Variants in CEACAM4 observed in about 807,000 individuals in gnomAD.
CEACAM4 encodes the protein CEA cell adhesion molecule 4.
In CEACAM4, 30 loss-of-function variants were observed where a neutral mutation model predicts 28.7. The ratio of observed to expected loss-of-function variants is 1.05; its 90% confidence interval spans 0.78 to 1.42. CEACAM4 has a LOEUF of 1.42. Ranked by LOEUF, CEACAM4 falls within the 40% of genes most tolerant of loss-of-function variation. The pLI is 0.00. For synonymous variants in CEACAM4, 143 were observed against 126.5 expected (o/e 1.13, Z -0.87); for missense variants, 330 against 308.2 (o/e 1.07, Z -0.53).
chr19:41,620,486 G>A (rs1600350742), intron 4 of CEACAM4, 89 bp downstream of exon 4: 5 of 1,158,512 alleles, frequency 4.3e-6, no homozygotes, highest in Non-Finnish European at 6.2e-6. Flanking sequence ...CCAAAGAAAG[G>A]GTCAGAGGCC....
chr19:41,620,218 G>A lies in CEACAM4; in HGVS notation c.620C>T (p.Thr207Ile). The change falls in exon 5 of 7, where the codon ACC (threonine) becomes ATC (isoleucine). Residue 207 changes from threonine to isoleucine, a missense_variant. By Grantham distance (89) the Thr-to-Ile change is moderately conservative (BLOSUM62 -1). Coordinates refer to ENST00000221954, the MANE Select transcript of CEACAM4 (RefSeq NM_001817.4). ...TPGHGPSHRS[T>I]FSAPLPSPRT... is the part of the protein sequence containing the mutation. ...GGGAGGGAACAGGCTTACCGAGAAG[G>A]TGGATCTGTGAGAGGGACCATGGCC... is the stretch of plus-strand genomic sequence containing the variant. 6.7e-7 allele frequency: 1 copy of A among 1,492,838 alleles called. No individual in the cohort carries two copies. The highest frequency in any genetic ancestry group is 1.4e-5 in the African/African-American group (1 of 70,136). 92.5% of individuals were successfully genotyped at this position (1,492,838 alleles called of 1,614,324 possible).
downstream of CEACAM4, among the ~76,000 whole-genome samples, chr19:41,618,547 T>C (rs562886023): frequency 2.0e-5 from 3 of 152,180 alleles, no homozygotes; most frequent in South Asian, 4.1e-4. Flanking sequence ...GGTAAGTTCA[T>C]TTGTGGAGGA....
At chr19:41,626,015 A>G in intron 1 of CEACAM4, 55 bp from the exon 2 acceptor site, 2 of 1,542,888 alleles carry the variant, frequency 1.3e-6, no homozygotes, top group Non-Finnish European at 1.7e-6. Flanking sequence ...TGGGATGGAA[A>G]GATAAGGCCC....
downstream of CEACAM4, among the ~76,000 whole-genome samples, chr19:41,614,948 G>A (rs537993351): frequency 9.9e-5 from 15 of 150,864 alleles, no homozygotes; most frequent in South Asian, 4.2e-4. Context: ...GGAGGGGAAG[G>A]GGAGGGGAAG....
In CEACAM4 at chr19:41,620,615, C is replaced by A; in HGVS notation, c.555G>T (p.Gln185His). 1 of 1,612,536 alleles carries A rather than the reference C, an allele frequency of 6.2e-7. No homozygotes were observed. The highest frequency in any genetic ancestry group is 8.5e-7 in the Non-Finnish European group (1 of 1,179,102). ...GGGGCGGCTGCTCCCTGAGGTCACG[C>A]TGGATGCTGGCCCTAGGAAAGGTCA... ...LLSRTGRASI[Q>H]RDLREQPPPA... The change falls in exon 4 of 7, where the codon CAG becomes CAT. Residue 185 changes from glutamine (Q) to histidine (H), a missense_variant. Physicochemically the swap from Gln to His is conservative, Grantham distance 24 (BLOSUM62 0). Transcript: ENST00000221954.
Position 41,619,203 on chromosome 19 carries a change from C to G in CEACAM4, c.*127G>C. 1.3e-6 allele frequency: 1 copy of G among 791,982 alleles called. No homozygotes were observed. The highest frequency in any genetic ancestry group is 1.4e-5 in the South Asian group (1 of 70,118). 49.1% of individuals were successfully genotyped at this position (791,982 alleles called of 1,614,324 possible). ...GCAGGGACTCCCATCCCTCCCTGTC[C>G]CCAGGCCTGTGTCTCCTCAGGACTC... is the stretch of plus-strand genomic sequence containing the variant. On this transcript the variant is annotated 3_prime_UTR_variant, in exon 7 of 7. Coordinates refer to ENST00000221954, the MANE Select transcript of CEACAM4 (RefSeq NM_001817.4).
intron 2 of CEACAM4, among the ~76,000 whole-genome samples, chr19:41,622,847 C>CATAT (rs67983728): frequency 0.011 from 1,370 of 123,570 alleles, 9 homozygotes; most frequent in Middle Eastern, 0.014. Flanking sequence ...CATATATATA[C>CATAT]ATATATATAG....
chr19:41,625,465 G>T, intron 2 of CEACAM4, 136 bp downstream of exon 2: 2 of 1,000,634 alleles, frequency 2.0e-6, no homozygotes, highest in Non-Finnish European at 1.5e-6. Context: ...CCATGTGTGT[G>T]TCCTGCACTA....
downstream of CEACAM4, among the ~76,000 whole-genome samples, chr19:41,616,054 G>C (rs1336246094): frequency 6.6e-6 from 1 of 152,110 alleles, no homozygotes; most frequent in Admixed American, 6.5e-5. Context: ...TTTTTAGATG[G>C]AGCCTCACTC....
chr19:41,616,428 T>C (rs577982375), downstream of CEACAM4, among the ~76,000 whole-genome samples: 1 of 152,284 alleles, frequency 6.6e-6, no homozygotes, highest in South Asian at 2.1e-4. Context: ...TTAAAGCATG[T>C]TCATAGTATG....
chr19:41,626,875 C>T (rs1555804423), intron 1 of CEACAM4, 25 bp downstream of exon 1: 1 of 1,604,914 alleles, frequency 6.2e-7, no homozygotes, highest in Non-Finnish European at 8.5e-7. Context: ...CTCTTCCCAC[C>T]ACTCCCAGAG....
At chr19:41,623,544 G>A (rs1396913720) in intron 2 of CEACAM4, among the ~76,000 whole-genome samples, 4 of 151,726 alleles carry the variant, frequency 2.6e-5, no homozygotes, top group African/African-American at 9.7e-5. Flanking sequence ...TGGTGAGTGG[G>A]GGGAGGGAGG....
rs2071083125 is a variant in CEACAM4, at chr19:41,619,028, C to T, written c.*302G>A. 2.4e-6 allele frequency: 1 copy of T among 408,476 alleles called. No homozygotes were observed. Among genetic ancestry groups the T allele is most frequent in the East Asian group, 3.9e-5 (1 of 25,806 alleles). The allele number at this position is 408,476 out of a possible 1,614,324, so 25.3% of individuals were successfully genotyped here. On this transcript the variant is annotated 3_prime_UTR_variant, in exon 7 of 7. Coordinates refer to ENST00000221954, the MANE Select transcript of CEACAM4 (RefSeq NM_001817.4). ...AAAAAGAGCCAATGAGAGGAAGGGTCCTCTTTATTCAGATCCTTTCCTGGT... is the reference window on the plus strand; with the variant it reads ...AAAAAGAGCCAATGAGAGGAAGGGTTCTCTTTATTCAGATCCTTTCCTGGT...
chr19:41,614,003 C>T, the CEACAM4 span, among the ~76,000 whole-genome samples: 1 of 152,196 alleles, frequency 6.6e-6, no homozygotes, highest in African/African-American at 2.4e-5. Context: ...GCCCAAATAT[C>T]ATCATTTTTC....
chr19:41,616,801 G>A (rs1384550810), downstream of CEACAM4, among the ~76,000 whole-genome samples: 3 of 152,104 alleles, frequency 2.0e-5, no homozygotes, highest in Admixed American at 6.5e-5. Flanking sequence ...AGAATCAGAC[G>A]TTAATCATGG....
downstream of CEACAM4, among the ~76,000 whole-genome samples, chr19:41,617,569 G>A (rs782487778): frequency 4.6e-5 from 7 of 152,196 alleles, no homozygotes; most frequent in East Asian, 1.9e-4. Context: ...TCCCAGGTGC[G>A]TCCAAAATAA....
intron 2 of CEACAM4, among the ~76,000 whole-genome samples, chr19:41,622,903 G>GATATAA (rs2071395357): frequency 6.9e-6 from 1 of 144,202 alleles, no homozygotes; most frequent in Non-Finnish European, 1.6e-5. Context: ...GATAGATATA[G>GATATAA]TAGCTGTTGT....
downstream of CEACAM4, among the ~76,000 whole-genome samples, chr19:41,617,452 C>T (rs189636698): frequency 5.9e-5 from 9 of 152,284 alleles, no homozygotes; most frequent in East Asian, 1.5e-3. Flanking sequence ...AAGGGCCTCT[C>T]AAAGATGTGT....
chr19:41,626,061 GGAGTGTGTGTGTGTGT>G, intron 1 of CEACAM4, 101 bp from the exon 2 acceptor site: 3 of 700,236 alleles, frequency 4.3e-6, no homozygotes, highest in Non-Finnish European at 4.4e-6. Flanking sequence ...CCTCAGCCTT[GGAGTGTGTGTGTGTGT>G]GTGTGTGTGT....
Sources: allele counts gnomAD v4.1 joint callset (sites outside exome capture counted in the v4.1 genomes callset), GRCh38; gene constraint gnomAD v4.1.1; transcripts MANE v1.5; gene names NCBI Gene and HGNC (gene_info 2026-07-23, HGNC 2026-07-21).